The following NKAIN2 variants were observed in gnomAD, a reference collection of about 807,000 sequenced individuals.
The protein encoded by NKAIN2 is sodium/potassium-transporting ATPase subunit beta-1-interacting protein 2.
A neutral mutation model predicts 32.6 loss-of-function variants in NKAIN2; 14 were observed. The observed-to-expected ratio is 0.43, with a 90% CI of 0.28 to 0.67. The LOEUF (loss-of-function observed/expected upper bound fraction) is 0.67, where lower values mean the gene tolerates loss of function less well. NKAIN2 is among the 30% of genes least tolerant of loss of function. The pLI is 0.17. For synonymous variants in NKAIN2, 80 were observed against 87.2 expected (o/e 0.92, Z 0.46); for missense variants, 198 against 258.3 (o/e 0.77, Z 1.60).
At chr6:124,714,994 C>G (rs1775684072) in intron 4 of NKAIN2, among the ~76,000 whole-genome samples, 1 of 152,148 alleles carries the variant, frequency 6.6e-6, no homozygotes, top group Non-Finnish European at 1.5e-5. Context: ...GAGAATGATT[C>G]AGAGAGTGCT....
chr6:124,126,374 C>T (rs1786165481), intron 1 of NKAIN2, among the ~76,000 whole-genome samples: 1 of 152,132 alleles, frequency 6.6e-6, no homozygotes, highest in East Asian at 1.9e-4. Flanking sequence ...AAATCTCTGC[C>T]ATCTCTTCCT....
chr6:124,344,892 G>A (rs1469845893), intron 2 of NKAIN2, among the ~76,000 whole-genome samples: 1 of 152,144 alleles, frequency 6.6e-6, no homozygotes, highest in Admixed American at 6.5e-5. Context: ...GGTGAGAGAG[G>A]ACATCCCTGT....
chr6:124,395,240 G>A (rs7775495), intron 3 of NKAIN2, among the ~76,000 whole-genome samples: 6,424 of 152,090 alleles, frequency 0.042, 416 homozygotes, highest in African/African-American at 0.15. Context: ...TATTCCCACA[G>A]GATGAACATC....
chr6:124,739,347 A>C (rs1392003780), intron 4 of NKAIN2, among the ~76,000 whole-genome samples: 1 of 151,870 alleles, frequency 6.6e-6, no homozygotes, highest in Non-Finnish European at 1.5e-5. Context: ...CAATATCAGC[A>C]TGGGCAGAAA....
chr6:124,579,839 A>C (rs943226969), intron 3 of NKAIN2, among the ~76,000 whole-genome samples: 3 of 152,260 alleles, frequency 2.0e-5, no homozygotes, highest in Non-Finnish European at 4.4e-5. Flanking sequence ...GCAAGAGAAA[A>C]GAAATTAATA....
At chr6:124,363,726 G>C (rs2114289345) in intron 3 of NKAIN2, among the ~76,000 whole-genome samples, 1 of 152,252 alleles carries the variant, frequency 6.6e-6, no homozygotes. Flanking sequence ...CACAATTCTT[G>C]ATTGAAATAA....
chr6:124,794,013 G>A (rs1211486346), intron 5 of NKAIN2, among the ~76,000 whole-genome samples: 1 of 152,106 alleles, frequency 6.6e-6, no homozygotes, highest in South Asian at 2.1e-4. Flanking sequence ...GATGAGGCAG[G>A]GTAGGAAGGC....
intron 3 of NKAIN2, among the ~76,000 whole-genome samples, chr6:124,364,333 GA>G (rs1197015849): frequency 6.6e-6 from 1 of 150,454 alleles, no homozygotes; most frequent in Non-Finnish European, 1.5e-5. Flanking sequence ...TAAAAAAACA[GA>G]ATTGGATAGA....
intron 3 of NKAIN2, among the ~76,000 whole-genome samples, chr6:124,654,912 T>A (rs891062312): frequency 1.3e-5 from 2 of 152,132 alleles, no homozygotes; most frequent in African/African-American, 4.8e-5. Context: ...CCTCTAGAAC[T>A]GTGAGAAAAT....
intron 4 of NKAIN2, among the ~76,000 whole-genome samples, chr6:124,739,770 T>C (rs1220291856): frequency 6.6e-6 from 1 of 151,892 alleles, no homozygotes; most frequent in African/African-American, 2.4e-5. Flanking sequence ...CCAGCAGAAA[T>C]ACAACACACT....
chr6:124,071,615 A>G (rs1783473705), intron 1 of NKAIN2, among the ~76,000 whole-genome samples: 1 of 152,186 alleles, frequency 6.6e-6, no homozygotes, highest in Admixed American at 6.6e-5. Flanking sequence ...TAAGGAACTT[A>G]AACAATTTAA....
chr6:124,637,963 AAAAC>A (rs1783834858), intron 3 of NKAIN2, among the ~76,000 whole-genome samples: 1 of 152,188 alleles, frequency 6.6e-6, no homozygotes, highest in South Asian at 2.1e-4. Flanking sequence ...AATTCTGGGG[AAAAC>A]AAACAAACTG....
At chr6:124,805,305 A>G (rs950063150) in intron 5 of NKAIN2, among the ~76,000 whole-genome samples, 3 of 152,170 alleles carry the variant, frequency 2.0e-5, no homozygotes, top group African/African-American at 7.2e-5. Flanking sequence ...TTCCAGAGGA[A>G]CGATCAGACA....
At chr6:124,274,818 A>G (rs1171333776) in intron 1 of NKAIN2, among the ~76,000 whole-genome samples, 2 of 152,206 alleles carry the variant, frequency 1.3e-5, no homozygotes, top group African/African-American at 4.8e-5. Flanking sequence ...ATGATAAAAA[A>G]ATTAAGCTAA....
At position 124,714,425 on chromosome 6, in the gene NKAIN2, T is replaced by C. The variant is rs368473753; in HGVS notation, c.474+56039T>C. Among the ~76,000 whole-genome samples the C allele has an allele frequency of 2.2e-4, 34 of 152,366 alleles. 1 individual carries two copies. The South Asian group carries it at 6.2e-3, about 28-fold the overall frequency. On this transcript the variant is annotated intron_variant, in intron 4 of 6. Transcript: ENST00000368417. The stretch of plus-strand genomic sequence containing the variant: ...AAATGTGATGGCAATTAATTGCACC[T>C]GCTACAATCCACTTCATGCTTGGAG...
chr6:124,683,996 A>T (rs1437238195), intron 4 of NKAIN2, among the ~76,000 whole-genome samples: 1 of 152,200 alleles, frequency 6.6e-6, no homozygotes, highest in Non-Finnish European at 1.5e-5. Context: ...AACAATAACA[A>T]CACATAAACC....
At chr6:124,409,921 G>A (rs1257931943) in intron 3 of NKAIN2, among the ~76,000 whole-genome samples, 1 of 152,154 alleles carries the variant, frequency 6.6e-6, no homozygotes. Flanking sequence ...TTTAGTCTTG[G>A]GAGGGTGTAT....
intron 3 of NKAIN2, among the ~76,000 whole-genome samples, chr6:124,419,445 T>C (rs1774646671): frequency 6.6e-6 from 1 of 152,148 alleles, no homozygotes; most frequent in African/African-American, 2.4e-5. Flanking sequence ...TGTAGTTTGG[T>C]GGGATTCATA....
At chr6:124,100,071 T>G (rs1262817034) in intron 1 of NKAIN2, among the ~76,000 whole-genome samples, 1 of 152,206 alleles carries the variant, frequency 6.6e-6, no homozygotes, top group Non-Finnish European at 1.5e-5. Context: ...TAAGGAAATG[T>G]TCTCTTACAT....
Sources: gnomAD v4.1 joint callset for allele counts (sites outside exome capture counted in the v4.1 genomes callset) on GRCh38, gnomAD v4.1.1 for gene constraint, MANE v1.5 for transcripts, NCBI Gene and HGNC (gene_info 2026-07-23, HGNC 2026-07-21) for gene names.